POMT1: variants seen among roughly 807,000 people sequenced by gnomAD.
The protein encoded by POMT1 is protein O-mannosyl-transferase 1.
Under a neutral mutation model 101.6 loss-of-function variants are expected in POMT1, and 85 were observed. The ratio of observed to expected loss-of-function variants is 0.84; its 90% CI spans 0.70 to 1.00. POMT1 has a LOEUF of 1.00. POMT1 is among the 50% of genes least tolerant of loss of function. The probability of loss-of-function intolerance (pLI) is 0.00; values close to 1 mark genes in which losing one functional copy is unlikely to be tolerated. For missense variants in POMT1, 857 were observed against 930.4 expected, an observed-to-expected ratio of 0.92 and a Z score of 1.03; for synonymous variants, 371 against 383.0, an observed-to-expected ratio of 0.97 and a Z score of 0.37.
At chr9:131,514,079 C>T (rs1373655815) in intron 12 of POMT1, among the ~76,000 whole-genome samples, 1 of 152,220 alleles carries the variant, frequency 6.6e-6, no homozygotes, top group Non-Finnish European at 1.5e-5. Context: ...CTTCCCCTCC[C>T]CTCCCATTGC....
Position 131,521,378 on chromosome 9 carries a change from C to G in POMT1, c.1731C>G (p.Ile577Met). 1 of 1,614,192 alleles carries G rather than the reference C, an allele frequency of 6.2e-7. No individual in the cohort carries two copies. The highest frequency in any genetic ancestry group is 1.1e-5 in the South Asian group (1 of 91,078). ...AQIHLLGNIVIWVSGSLALAI... is the reference protein window; with the variant it reads ...AQIHLLGNIVMWVSGSLALAI... ...TCCACCTACTTGGAAACATAGTGAT[C>G]TGGGTTTCGGGCAGCCTCGCTCTGG... The change falls in exon 18 of 20, where the codon ATC becomes ATG. Residue 577 changes from isoleucine (I) to methionine (M), a missense_variant. Transcript: ENST00000402686.
intron 2 of POMT1, among the ~76,000 whole-genome samples, chr9:131,505,078 A>G (rs1234106454): frequency 3.3e-5 from 1 of 30,324 alleles, no homozygotes; most frequent in Non-Finnish European, 1.5e-4. Context: ...GCCCTGCTGC[A>G]TGTTCTTTTT....
intron 9 of POMT1, chr9:131,511,027 T>TG (rs1478730537): frequency 1.6e-5 from 5 of 315,906 alleles, no homozygotes; most frequent in African/African-American, 1.1e-4. Flanking sequence ...ACCCTAGTCT[T>TG]GGTTTTCTCA....
At chr9:131,516,292 C>T (rs901112394) in intron 13 of POMT1, among the ~76,000 whole-genome samples, 2 of 150,990 alleles carry the variant, frequency 1.3e-5, no homozygotes, top group East Asian at 1.9e-4. Context: ...CCTCCTCACA[C>T]GGAACACTTC....
intron 4 of POMT1, 84 bp downstream of exon 4, chr9:131,506,537 G>A (rs927037884): frequency 7.3e-7 from 1 of 1,365,646 alleles, no homozygotes; most frequent in Non-Finnish European, 1.0e-6. Flanking sequence ...AACAACTGTG[G>A]CTTTTTTTTT....
Position 131,519,467 on chromosome 9 carries a change from C to A in POMT1, c.1565C>A (p.Ala522Glu). The A allele has an allele frequency of 6.4e-7, 1 of 1,550,652 alleles. No individual in the cohort carries two copies. The highest frequency in any genetic ancestry group is 8.7e-7 in the Non-Finnish European group (1 of 1,147,002). Residue 522 changes from alanine (A) to glutamate (E), a missense_variant, in exon 16 of 20, where the codon GCG (alanine) becomes GAG (glutamate). By Grantham distance (107) the Ala-to-Glu change is moderately radical (BLOSUM62 -1). Transcript: ENST00000402686. This position sits in a 1 kb window ranked among gnomAD's most constrained non-coding sequence, Gnocchi z 4.3. ...VDVSRNLSFM[A>E]RFSELQWRML... ...GTCAGCAGGAACCTCAGCTTCATGG[C>A]GAGATTCTCGGAGCTGCAGGTGAGG...
At position 131,519,476 on chromosome 9, in the gene POMT1, C is replaced by T. The variant is rs1018748368; in HGVS notation, c.1574C>T (p.Ser525Leu). 41 of 1,550,282 alleles carry T rather than the reference C, an allele frequency of 2.6e-5. No individual in the cohort carries two copies. Among genetic ancestry groups the T allele is most frequent in the Non-Finnish European group, 3.2e-5 (37 of 1,146,994 alleles). Residue 525 changes from serine to leucine, a missense_variant, in exon 16 of 20, where the codon TCG becomes TTG. Ser to Leu is a moderately radical substitution (Grantham distance 145, BLOSUM62 -2). Transcript: ENST00000402686. This position sits in a 1 kb window ranked among gnomAD's most constrained non-coding sequence, Gnocchi z 4.3. The part of the protein sequence containing the change: ...SRNLSFMARF[S>L]ELQWRMLALR... ...AACCTCAGCTTCATGGCGAGATTCT[C>T]GGAGCTGCAGGTGAGGAGCGGCCAG...
chr9:131,522,851 G>A lies in POMT1; in HGVS notation c.2004-81G>A, dbSNP rs762516102. The A allele has an allele frequency of 6.4e-6, 9 of 1,408,322 alleles. No homozygotes were observed. Among genetic ancestry groups the A allele is most frequent in the Non-Finnish European group, 7.8e-6 (8 of 1,031,856 alleles). The allele number at this position is 1,408,322 out of a possible 1,614,324, so 87.2% of individuals were successfully genotyped here. On this transcript the variant is annotated intron_variant, in intron 19 of 19. Transcript: ENST00000402686. This position sits in a 1 kb window ranked among gnomAD's most constrained non-coding sequence, Gnocchi z 5.5. The stretch of plus-strand genomic sequence containing the variant: ...CCAGGCCTCGGGGGGTGACCGTGTG[G>A]ACAGCAGATGCCAAGAGGGTGCCGG...
Position 131,518,478 on chromosome 9 carries a change from T to C in POMT1, c.1306T>C (p.Trp436Arg). 6.2e-7 allele frequency: 1 copy of C among 1,613,944 alleles called. No homozygotes were observed. The highest frequency in any genetic ancestry group is 1.3e-5 in the African/African-American group (1 of 75,068). ...GAACAGAGGATCTGACACAGACGTC[T>C]GGAAGACCATCCTCTCAGAGGTCCG... The part of the protein sequence containing the change: ...IVNRGSDTDV[W>R]KTILSEVRFV... The change falls in exon 14 of 20, where the codon TGG becomes CGG. Residue 436 changes from tryptophan (W) to arginine (R), a missense_variant. By Grantham distance (101) the Trp-to-Arg change is moderately radical. Coordinates refer to ENST00000402686, the MANE Select transcript of POMT1 (RefSeq NM_001077365.2).
chr9:131,505,861 G>C (rs1226524568), intron 2 of POMT1, among the ~76,000 whole-genome samples: 4 of 152,230 alleles, frequency 2.6e-5, no homozygotes, highest in African/African-American at 9.6e-5. Context: ...AAACACAAGG[G>C]AGAGACAGAA....
intron 2 of POMT1, among the ~76,000 whole-genome samples, chr9:131,504,742 G>A (rs1186776423): frequency 2.3e-5 from 2 of 87,886 alleles, no homozygotes; most frequent in African/African-American, 3.7e-5. Context: ...TTTATTAACT[G>A]ATTAATGTGT....
rs368975092 is a variant in POMT1 at position 131,522,233 on chromosome 9, G to A, written c.2003+9G>A. The A allele has an allele frequency of 1.3e-5, 21 of 1,613,174 alleles. No homozygotes were observed. In the East Asian group the frequency reaches 1.3e-4, roughly 10 times the overall value. On this transcript the variant is annotated intron_variant, in intron 19 of 19. Transcript: ENST00000402686. The surrounding 1 kb of genome is among the most constrained non-coding windows in gnomAD (Gnocchi z 5.5). ...AGCGACCACCTGTGCAGGTACGGGG[G>A]CTGCGGAGACAGTGGCTGGACCGGG...
At chr9:131,511,529 T>C (rs1160399163) in intron 10 of POMT1, 62 bp downstream of exon 10, 42 of 1,600,260 alleles carry the variant, frequency 2.6e-5, no homozygotes, top group Non-Finnish European at 3.4e-5. Flanking sequence ...GATTTGCTTA[T>C]CTTAGCAACT....
At chr9:131,517,679 A>C (rs909314639) in intron 13 of POMT1, among the ~76,000 whole-genome samples, 2 of 151,510 alleles carry the variant, frequency 1.3e-5, no homozygotes, top group African/African-American at 2.4e-5. Flanking sequence ...CCGCCCCCCC[A>C]CAGTCCTTCC....
intron 14 of POMT1, 54 bp downstream of exon 14, chr9:131,518,591 TTCCCAA>T: frequency 6.5e-7 from 1 of 1,531,450 alleles, no homozygotes; most frequent in South Asian, 1.1e-5. Flanking sequence ...TCCAGTCTGT[TTCCCAA>T]GCCCCTCAGG....
chr9:131,522,887 C>T lies in POMT1; in HGVS notation c.2004-45C>T, dbSNP rs201321486. On this transcript the variant is annotated intron_variant, in intron 19 of 19. Transcript: ENST00000402686. This position sits in a 1 kb window ranked among gnomAD's most constrained non-coding sequence, Gnocchi z 5.5. ...CCAAGAGGGTGCCGGGCAGGGAAGC[C>T]GCAGTGGTCAGCCACCCTCCCCCAC... 93 of 1,539,002 alleles carry T rather than the reference C, an allele frequency of 6.0e-5. No homozygotes were observed. Among genetic ancestry groups the T allele is most frequent in the African/African-American group, 4.4e-4 (32 of 73,438 alleles).
rs1949362106 is a variant in POMT1, at chr9:131,519,063, A to C, written c.1486+106A>C. On this transcript the variant is annotated intron_variant, in intron 15 of 19. Coordinates refer to ENST00000402686, the MANE Select transcript of POMT1 (RefSeq NM_001077365.2). This position sits in a 1 kb window ranked among gnomAD's most constrained non-coding sequence, Gnocchi z 4.3. The stretch of plus-strand genomic sequence containing the variant: ...TTTTGGTGGGAAGGGAACTGAGCAC[A>C]TTCTCCATGCTCGGTGGCAGGTCAT... The C allele has an allele frequency of 1.9e-6, 3 of 1,542,430 alleles. No homozygotes were observed. The highest frequency in any genetic ancestry group is 1.8e-6 in the Non-Finnish European group (2 of 1,138,332).
chr9:131,520,281 G>T, intron 17 of POMT1, 88 bp downstream of exon 17: 2 of 1,161,454 alleles, frequency 1.7e-6, no homozygotes, highest in Non-Finnish European at 2.5e-6. Flanking sequence ...CTGCACCCTA[G>T]AAAGTGCTGG....
At position 131,510,419 on chromosome 9, in the gene POMT1, A is replaced by C. The variant is rs868203828; in HGVS notation, c.855+4A>C. The C allele has an allele frequency of 6.2e-7, 1 of 1,613,836 alleles. No individual in the cohort carries two copies. ...TGCCTTCCAGGCCAGCTTAGAGGTA[A>C]GTAAGCAGTGGGCATCGTGGCCACT... On this transcript the variant is annotated splice_donor_region_variant and intron_variant, in intron 9 of 19. Coordinates refer to ENST00000402686, the MANE Select transcript of POMT1 (RefSeq NM_001077365.2).
Sources: allele counts gnomAD v4.1 joint callset (sites outside exome capture counted in the v4.1 genomes callset), GRCh38; gene constraint gnomAD v4.1.1; non-coding constraint Gnocchi (gnomAD v3.1); transcripts MANE v1.5; gene names NCBI Gene and HGNC (gene_info 2026-07-23, HGNC 2026-07-21).